Variants in ZNF420 observed in about 807,000 individuals in gnomAD.
The protein encoded by ZNF420 is ATM and p53-associated KZNF protein.
ZNF420 carries 31 observed loss-of-function variants against 44.7 expected under a neutral mutation model. That is an observed-to-expected ratio of 0.69 (90% CI 0.52 to 0.94). The LOEUF is 0.94. Among genes scored for constraint, ZNF420 ranks in the 40% least tolerant of loss-of-function variants. ZNF420 has a pLI of 0.00. For synonymous variants in ZNF420, 245 were observed against 267.4 expected (o/e 0.92, Z 0.82); for missense variants, 681 against 827.9 (o/e 0.82, Z 2.18).
intron 1 of ZNF420, among the ~76,000 whole-genome samples, chr19:37,038,941 G>A (rs774258084): frequency 5.9e-5 from 9 of 151,378 alleles, no homozygotes; most frequent in Non-Finnish European, 1.3e-4. Flanking sequence ...AGTCGAGAAC[G>A]CACCATTGCA....
intron 1 of ZNF420, chr19:37,025,171 G>T: frequency 4.7e-6 from 2 of 426,198 alleles, no homozygotes; most frequent in Non-Finnish European, 7.5e-6. Flanking sequence ...ATGATGTACA[G>T]AAAGTTGGCG....
chr19:37,094,620 A>G (rs916756532), intron 4 of ZNF420, among the ~76,000 whole-genome samples: 4 of 152,182 alleles, frequency 2.6e-5, no homozygotes, highest in African/African-American at 9.6e-5. Context: ...CTAGGATTTC[A>G]AGGCCAGCAA....
chr19:37,112,397 T>A (rs1378246658), intron 4 of ZNF420, among the ~76,000 whole-genome samples: 3 of 152,160 alleles, frequency 2.0e-5, no homozygotes, highest in African/African-American at 7.2e-5. Context: ...AACAGTACTT[T>A]CTTGATTATC....
intron 4 of ZNF420, among the ~76,000 whole-genome samples, chr19:37,119,616 A>C (rs572354291): frequency 3.3e-5 from 5 of 152,304 alleles, no homozygotes; most frequent in South Asian, 4.1e-4. Flanking sequence ...AGAAATAACT[A>C]AAATCAGAGC....
chr19:37,120,870 C>T (rs968016583), intron 4 of ZNF420, among the ~76,000 whole-genome samples: 12 of 152,128 alleles, frequency 7.9e-5, no homozygotes, highest in African/African-American at 2.9e-4. Flanking sequence ...AACTCCCATT[C>T]ACAATTGCTT....
At chr19:37,014,544 A>G (rs574800292) in intron 1 of ZNF420, among the ~76,000 whole-genome samples, 1 of 152,236 alleles carries the variant, frequency 6.6e-6, no homozygotes, top group South Asian at 2.1e-4. Context: ...CAGGACTCTT[A>G]GGGTCCTGCG....
At chr19:37,013,586 C>T (rs898480724) in intron 1 of ZNF420, among the ~76,000 whole-genome samples, 1 of 152,194 alleles carries the variant, frequency 6.6e-6, no homozygotes, top group Non-Finnish European at 1.5e-5. Context: ...GATGGAATCT[C>T]CGGACTCCCA....
At chr19:37,125,126 C>T (rs1971277405) in intron 4 of ZNF420, among the ~76,000 whole-genome samples, 1 of 152,216 alleles carries the variant, frequency 6.6e-6, no homozygotes, top group South Asian at 2.1e-4. Flanking sequence ...GCATGAGCCA[C>T]TGCGCCTGGC....
upstream of ZNF420, among the ~76,000 whole-genome samples, chr19:37,076,052 A>G (rs545962908): frequency 1.0e-3 from 152 of 152,274 alleles, no homozygotes; most frequent in African/African-American, 3.6e-3. Context: ...AAAGCTGCCT[A>G]TACTTTTTTT....
chr19:37,090,384 G>A (rs1568449090), intron 3 of ZNF420, among the ~76,000 whole-genome samples: 1 of 89,914 alleles, frequency 1.1e-5, no homozygotes, highest in Non-Finnish European at 3.2e-5. Flanking sequence ...TGAGTGGCAC[G>A]TACTGTGGTC....
At chr19:37,076,473 T>C (rs1019062853), upstream of ZNF420, among the ~76,000 whole-genome samples, 2 of 152,164 alleles carry the variant, frequency 1.3e-5, no homozygotes, top group Admixed American at 6.5e-5. Flanking sequence ...GTGCTGCACC[T>C]GTTAACTCAT....
At chr19:37,011,764 GAC>G (rs1231364666) in intron 1 of ZNF420, among the ~76,000 whole-genome samples, 2 of 152,144 alleles carry the variant, frequency 1.3e-5, no homozygotes, top group African/African-American at 2.4e-5. Flanking sequence ...TGGCCTTGGT[GAC>G]ACACACTCAC....
intron 4 of ZNF420, chr19:37,091,490 G>GT (rs1374015452): frequency 1.9e-5 from 3 of 158,358 alleles, no homozygotes; most frequent in East Asian, 1.9e-4. Flanking sequence ...AGAGATGTAT[G>GT]TTTTTTCTGA....
intron 1 of ZNF420, among the ~76,000 whole-genome samples, chr19:37,045,502 A>T (rs774084670): frequency 6.6e-6 from 1 of 152,292 alleles, no homozygotes; most frequent in South Asian, 2.1e-4. Flanking sequence ...GTAAGAGTGG[A>T]TTTGTTAAAG....
At chr19:37,123,634 C>G (rs1018038396) in intron 4 of ZNF420, among the ~76,000 whole-genome samples, 1 of 113,668 alleles carries the variant, frequency 8.8e-6, no homozygotes, top group Non-Finnish European at 1.7e-5. Flanking sequence ...AGCGGAGTCT[C>G]GCTCTGTCAC....
intron 4 of ZNF420, among the ~76,000 whole-genome samples, chr19:37,098,092 C>T (rs1969562548): frequency 1.3e-5 from 2 of 152,174 alleles, no homozygotes; most frequent in South Asian, 4.2e-4. Context: ...GTTGAGACTA[C>T]AGGCATGTGC....
chr19:37,054,748 GTC>G, intron 1 of ZNF420, among the ~76,000 whole-genome samples: 1 of 152,184 alleles, frequency 6.6e-6, no homozygotes, highest in Admixed American at 6.5e-5. Flanking sequence ...GACCTGTCTT[GTC>G]CTTGACAACA....
chr19:37,032,688 C>A (rs2146399131), intron 1 of ZNF420, among the ~76,000 whole-genome samples: 1 of 152,128 alleles, frequency 6.6e-6, no homozygotes, highest in East Asian at 1.9e-4. Context: ...GCCTGTAATC[C>A]CAGCTACTTG....
chr19:37,008,324 G>T (rs990037379), intron 1 of ZNF420, among the ~76,000 whole-genome samples: 2 of 152,120 alleles, frequency 1.3e-5, no homozygotes, highest in Admixed American at 1.3e-4. Context: ...GTGTGTGTCC[G>T]TGTGAGTGTG....
Sources: allele counts gnomAD v4.1 joint callset (sites outside exome capture counted in the v4.1 genomes callset), GRCh38; gene constraint gnomAD v4.1.1; transcripts MANE v1.5; gene names NCBI Gene and HGNC (gene_info 2026-07-23, HGNC 2026-07-21).